The following KCNQ5 variants were observed in gnomAD, a reference collection of about 807,000 sequenced individuals.
KCNQ5 encodes potassium voltage-gated channel subfamily Q member 5.
A neutral mutation model predicts 98.2 loss-of-function variants in KCNQ5; 30 were observed. The observed-to-expected ratio is 0.31, with a 90% confidence interval of 0.23 to 0.41. KCNQ5 has a LOEUF of 0.41. KCNQ5 is among the 10% of genes least tolerant of loss of function. The probability of loss-of-function intolerance (pLI) is 1.00; values close to 1 mark genes in which losing one functional copy is unlikely to be tolerated. For synonymous variants in KCNQ5, 458 were observed against 449.4 expected (o/e 1.02, Z -0.24); for missense variants, 835 against 1,182.5 (o/e 0.71, Z 4.31).
At chr6:72,812,701 T>C (rs1775300552) in intron 1 of KCNQ5, among the ~76,000 whole-genome samples, 2 of 152,260 alleles carry the variant, frequency 1.3e-5, no homozygotes, top group Admixed American at 1.3e-4. Context: ...TTAGACTGGC[T>C]CCAAAGGCTA....
At chr6:73,055,630 A>G in intron 3 of KCNQ5, 1 of 1,197,824 alleles carries the variant, frequency 8.3e-7, no homozygotes, top group Non-Finnish European at 1.2e-6. Context: ...GGAAATGGGT[A>G]CTGACTGCAG....
intron 1 of KCNQ5, among the ~76,000 whole-genome samples, chr6:72,720,611 C>T (rs1483214286): frequency 2.0e-5 from 3 of 152,108 alleles, no homozygotes; most frequent in African/African-American, 7.2e-5. Flanking sequence ...ATGTAGAATT[C>T]CTTTTATGAG....
In KCNQ5 at chr6:72,737,261, G is replaced by A. The variant is rs576066689; in HGVS notation, c.398+114674G>A. The stretch of plus-strand genomic sequence containing the variant: ...AGGTGTTAGCCACCAAGCCCGGTCA[G>A]GCTTCATTTTAGTAGTAACAGTTTG... On this transcript the variant is annotated intron_variant, in intron 1 of 13. Transcript: ENST00000370398. 5.9e-5 allele frequency among the ~76,000 whole-genome samples: 9 copies of A among 152,176 alleles called. No individual in the cohort carries two copies. In the South Asian group the frequency reaches 1.5e-3, roughly 25 times the overall value.
intron 1 of KCNQ5, among the ~76,000 whole-genome samples, chr6:72,806,392 G>A (rs1774960872): frequency 6.6e-6 from 1 of 152,002 alleles, no homozygotes; most frequent in African/African-American, 2.4e-5. Flanking sequence ...ATTGGCTTGA[G>A]GAAGTAGGAA....
chr6:72,747,857 T>A (rs945788483), intron 1 of KCNQ5, among the ~76,000 whole-genome samples: 73 of 152,158 alleles, frequency 4.8e-4, no homozygotes, highest in Non-Finnish European at 9.0e-4. Flanking sequence ...TAAAGCAAGA[T>A]CCTACTAGGT....
Position 73,194,495 on chromosome 6 carries a change from A to T in KCNQ5, c.1880A>T (p.Tyr627Phe). The change falls in exon 14 of 14, where the codon TAT becomes TTT. Residue 627 changes from tyrosine to phenylalanine, a missense_variant. This residue lies in a region of KCNQ5 where 416 missense variants were observed against 446.9 expected (regional missense o/e 0.93). Transcript: ENST00000370398. ...AAGCTGGACTGCCTACTAGACATCT[A>T]TCAACAGGTCCTTCGGAAAGGCTCT... is the stretch of plus-strand genomic sequence containing the variant. ...ESKLDCLLDI[Y>F]QQVLRKGSAS... 6.2e-7 allele frequency: 1 copy of T among 1,614,162 alleles called. No individual in the cohort carries two copies. The highest frequency in any genetic ancestry group is 8.5e-7 in the Non-Finnish European group (1 of 1,180,002).
chr6:72,831,671 A>G (rs1776277427), intron 1 of KCNQ5, among the ~76,000 whole-genome samples: 1 of 152,010 alleles, frequency 6.6e-6, no homozygotes, highest in Non-Finnish European at 1.5e-5. Flanking sequence ...TGGCACATGT[A>G]TACATATGTA....
intron 5 of KCNQ5, among the ~76,000 whole-genome samples, chr6:73,095,522 G>A (rs114180498): frequency 7.1e-4 from 108 of 152,200 alleles, no homozygotes; most frequent in Middle Eastern, 3.4e-3. Flanking sequence ...TAACAGAATC[G>A]GTTTCTGGTT....
At position 72,684,590 on chromosome 6, in the gene KCNQ5, G is replaced by A. The variant is rs953218616; in HGVS notation, c.398+62003G>A. ...ATATCACACTGTATCTCCAAAATAG[G>A]TACAATGGTCTGTCAATCAAAAATT... On this transcript the variant is annotated intron_variant, in intron 1 of 13. Coordinates refer to ENST00000370398, the MANE Select transcript of KCNQ5 (RefSeq NM_019842.4). 2.5e-4 allele frequency among the ~76,000 whole-genome samples: 38 copies of A among 152,082 alleles called. 1 individual carries two copies. Among genetic ancestry groups the A allele is most frequent in the Admixed American group, 2.3e-3 (35 of 15,274 alleles).
chr6:73,156,683 G>GT (rs1483226904), intron 10 of KCNQ5, among the ~76,000 whole-genome samples: 19 of 152,122 alleles, frequency 1.2e-4, no homozygotes, highest in Non-Finnish European at 2.4e-4. Context: ...CACTTTCACT[G>GT]TAAGTAACAT....
At chr6:73,017,940 G>T (rs1489471253) in intron 2 of KCNQ5, among the ~76,000 whole-genome samples, 1 of 152,092 alleles carries the variant, frequency 6.6e-6, no homozygotes, top group Admixed American at 6.5e-5. Flanking sequence ...CCCTAGGAGT[G>T]CAGGGCAGTA....
At chr6:72,931,951 T>C (rs1373769975) in intron 1 of KCNQ5, among the ~76,000 whole-genome samples, 7 of 152,094 alleles carry the variant, frequency 4.6e-5, no homozygotes, top group Non-Finnish European at 1.0e-4. Flanking sequence ...TCTCCCTCAC[T>C]TGACTCCCAA....
intron 5 of KCNQ5, among the ~76,000 whole-genome samples, chr6:73,080,205 A>G (rs371833201): frequency 6.6e-6 from 1 of 152,204 alleles, no homozygotes; most frequent in African/African-American, 2.4e-5. Context: ...TGTGACTTTC[A>G]GGGGAAGAAA....
chr6:72,669,928 G>T (rs1326420194), intron 1 of KCNQ5, among the ~76,000 whole-genome samples: 1 of 127,116 alleles, frequency 7.9e-6, no homozygotes, highest in Non-Finnish European at 1.7e-5. Flanking sequence ...TTTTTTTTTG[G>T]AATGTGGATG....
At chr6:73,057,140 A>G (rs1190091090) in intron 3 of KCNQ5, among the ~76,000 whole-genome samples, 3 of 152,204 alleles carry the variant, frequency 2.0e-5, no homozygotes, top group East Asian at 3.8e-4. Context: ...ATGGAATACT[A>G]TGCAGCCATA....
rs775335141 is a variant in KCNQ5, at chr6:73,195,241, G to A, written c.2626G>A (p.Val876Met). 1 of 1,614,090 alleles carries A rather than the reference G, an allele frequency of 6.2e-7. No homozygotes were observed. Among genetic ancestry groups the A allele is most frequent in the African/African-American group, 1.3e-5 (1 of 74,924 alleles). ...ESKLFITDEE[V>M]GPEETETDTF... ...CAAATTGTTTATAACTGATGAAGAG[G>A]TGGGTCCCGAAGAGACAGAGACAGA... The change falls in exon 14 of 14, where the codon GTG becomes ATG. Residue 876 changes from valine to methionine, a missense_variant. By Grantham distance (21) the Val-to-Met change is conservative. Coordinates refer to ENST00000370398, the MANE Select transcript of KCNQ5 (RefSeq NM_019842.4).
chr6:72,822,514 A>G (rs994826203), intron 1 of KCNQ5, among the ~76,000 whole-genome samples: 1 of 152,196 alleles, frequency 6.6e-6, no homozygotes, highest in African/African-American at 2.4e-5. Flanking sequence ...CACAAAGTAT[A>G]AAGATAGAGA....
intron 2 of KCNQ5, among the ~76,000 whole-genome samples, chr6:73,041,183 T>G (rs183468953): frequency 2.4e-4 from 37 of 152,350 alleles, no homozygotes; most frequent in African/African-American, 8.4e-4. Context: ...GGTTTTTCAT[T>G]CTATCATCGA....
intron 10 of KCNQ5, among the ~76,000 whole-genome samples, chr6:73,145,555 C>T (rs139512027): frequency 6.6e-6 from 1 of 152,228 alleles, no homozygotes; most frequent in Admixed American, 6.5e-5. Flanking sequence ...TATTCTCTCC[C>T]TATACCTTCA....
Sources: gnomAD v4.1 joint callset for allele counts (sites outside exome capture counted in the v4.1 genomes callset) on GRCh38, gnomAD v4.1.1 for gene constraint, gnomAD v4.1.1 regional missense constraint, MANE v1.5 for transcripts, NCBI Gene and HGNC (gene_info 2026-07-23, HGNC 2026-07-21) for gene names.